Variants in ADAMTS18 observed in about 807,000 individuals in gnomAD.
The protein encoded by ADAMTS18 is ADAM metallopeptidase with thrombospondin type 1 motif 18.
Under a neutral mutation model 165.9 loss-of-function variants are expected in ADAMTS18, and 157 were observed. The ratio of observed to expected loss-of-function variants is 0.95; its 90% CI spans 0.83 to 1.08. ADAMTS18 has a LOEUF of 1.08. ADAMTS18 is among the 50% of genes least tolerant of loss of function. ADAMTS18 has a pLI of 0.00. For synonymous variants in ADAMTS18, 782 were observed against 578.2 expected (o/e 1.35, Z -5.06); for missense variants, 2,040 against 1,534.0 (o/e 1.33, Z -5.51).
intron 12 of ADAMTS18, among the ~76,000 whole-genome samples, chr16:77,326,335 T>C (rs2056095709): frequency 6.6e-6 from 1 of 152,252 alleles, no homozygotes; most frequent in African/African-American, 2.4e-5. Flanking sequence ...ATCCAATATT[T>C]ACATTCTGTT....
chr16:77,308,231 G>A (rs1335949420), intron 16 of ADAMTS18, among the ~76,000 whole-genome samples: 3 of 152,152 alleles, frequency 2.0e-5, no homozygotes, highest in Non-Finnish European at 4.4e-5. Context: ...GGAATGCTGT[G>A]AAAACACAGG....
chr16:77,418,459 G>A (rs992264278), intron 3 of ADAMTS18, among the ~76,000 whole-genome samples: 1 of 152,038 alleles, frequency 6.6e-6, no homozygotes, highest in Non-Finnish European at 1.5e-5. Context: ...GAATCTAAAG[G>A]GTAGAGAGGC....
chr16:77,390,341 G>A (rs1431402192), intron 3 of ADAMTS18, among the ~76,000 whole-genome samples: 1 of 152,110 alleles, frequency 6.6e-6, no homozygotes, highest in African/African-American at 2.4e-5. Flanking sequence ...TTTTTTGCAG[G>A]TAACTGTGTA....
rs1463759460 is a variant in ADAMTS18 at position 77,282,842 on chromosome 16, A to T, written c.*1114T>A. The stretch of plus-strand genomic sequence containing the variant: ...GGTCTTGTCATATTATGATTTATTA[A>T]TATTAACATAGCAAGAAGACAGATG... On this transcript the variant is annotated 3_prime_UTR_variant, in exon 23 of 23. Transcript: ENST00000282849. The T allele has an allele frequency of 6.6e-6, 1 of 151,670 alleles. No individual in the cohort carries two copies. The highest frequency in any genetic ancestry group is 1.5e-5 in the Non-Finnish European group (1 of 67,906). The allele number at this position is 151,670 out of a possible 1,614,324, so 9.4% of individuals were successfully genotyped here.
intron 3 of ADAMTS18, among the ~76,000 whole-genome samples, chr16:77,395,801 G>A (rs528620565): frequency 3.5e-4 from 53 of 152,092 alleles, no homozygotes; most frequent in African/African-American, 1.1e-3. Context: ...TAAGACCCTC[G>A]AGAAATTTGA....
chr16:77,364,421 A>G (rs1176832779), intron 4 of ADAMTS18, 40 bp from the exon 5 acceptor site: 2 of 1,599,928 alleles, frequency 1.3e-6, no homozygotes, highest in Non-Finnish European at 1.7e-6. Context: ...GATATTAGAG[A>G]ATATCTGGAT....
intron 18 of ADAMTS18, among the ~76,000 whole-genome samples, chr16:77,296,896 T>C (rs1446663587): frequency 6.6e-6 from 1 of 152,264 alleles, no homozygotes; most frequent in Non-Finnish European, 1.5e-5. Context: ...AATTTATTCC[T>C]GGCTATCAAG....
At chr16:77,298,045 CT>C (rs1203767964) in intron 17 of ADAMTS18, among the ~76,000 whole-genome samples, 1 of 150,800 alleles carries the variant, frequency 6.6e-6, no homozygotes, top group African/African-American at 2.4e-5. Context: ...CTGCCTCAGC[CT>C]CCCAGATACC....
At chr16:77,378,516 A>G (rs911330699) in intron 3 of ADAMTS18, among the ~76,000 whole-genome samples, 4 of 152,126 alleles carry the variant, frequency 2.6e-5, no homozygotes, top group Non-Finnish European at 5.9e-5. Flanking sequence ...GGAGTTTAAG[A>G]CTAGCCTGGC....
intron 3 of ADAMTS18, among the ~76,000 whole-genome samples, chr16:77,429,255 A>T (rs1392449193): frequency 6.6e-6 from 1 of 152,242 alleles, no homozygotes; most frequent in Non-Finnish European, 1.5e-5. Flanking sequence ...CTATGCAACC[A>T]TAAAAATAAA....
intron 3 of ADAMTS18, among the ~76,000 whole-genome samples, chr16:77,385,533 T>C (rs2057094643): frequency 6.6e-6 from 1 of 152,170 alleles, no homozygotes; most frequent in African/African-American, 2.4e-5. Context: ...GACACGTGTT[T>C]TTACTTGTTT....
At chr16:77,352,104 C>T (rs1004350278) in intron 10 of ADAMTS18, among the ~76,000 whole-genome samples, 3 of 151,852 alleles carry the variant, frequency 2.0e-5, no homozygotes, top group Non-Finnish European at 4.4e-5. Context: ...GAAGGATACA[C>T]CAAAAAAATG....
intron 2 of ADAMTS18, 167 bp from the exon 3 acceptor site, chr16:77,431,778 G>A: frequency 4.0e-6 from 3 of 742,934 alleles, no homozygotes; most frequent in Admixed American, 4.3e-5. Flanking sequence ...CAGAAGACCT[G>A]TCTCTACAAC....
intron 3 of ADAMTS18, among the ~76,000 whole-genome samples, chr16:77,416,038 G>A (rs966023166): frequency 2.6e-5 from 4 of 152,060 alleles, no homozygotes; most frequent in African/African-American, 7.2e-5. Flanking sequence ...TATGCTAGGC[G>A]ATAAACAAGT....
chr16:77,434,079 A>G (rs898286978), intron 2 of ADAMTS18, among the ~76,000 whole-genome samples: 4 of 152,216 alleles, frequency 2.6e-5, no homozygotes, highest in African/African-American at 9.6e-5. Context: ...AACAAGAGTT[A>G]GGAGAGGGAG....
chr16:77,413,784 A>C (rs1317011647), intron 3 of ADAMTS18, among the ~76,000 whole-genome samples: 3 of 149,152 alleles, frequency 2.0e-5, no homozygotes, highest in Non-Finnish European at 4.5e-5. Flanking sequence ...TAAGGCTGAC[A>C]CTTAATAAAG....
rs573551238 is a variant in ADAMTS18, at chr16:77,429,590, T to TA, written c.495+1704dup. Among the ~76,000 whole-genome samples, 112 of 151,396 alleles carry TA rather than the reference T, an allele frequency of 7.4e-4. 1 individual carries two copies. Among genetic ancestry groups the TA allele is most frequent in the Admixed American group, 3.2e-3 (49 of 15,210 alleles). On this transcript the variant is annotated intron_variant, in intron 3 of 22. Coordinates refer to ENST00000282849, the MANE Select transcript of ADAMTS18 (RefSeq NM_199355.4). Reference sequence around the variant, plus strand: ...CTTGTACCCCTGAACCTAAAAGTTTTAAAAAAAAATGGATAAAAACATCAT... The same window carrying TA: ...CTTGTACCCCTGAACCTAAAAGTTTTAAAAAAAAAATGGATAAAAACATCAT...
At chr16:77,306,255 T>A (rs2055679605) in intron 16 of ADAMTS18, among the ~76,000 whole-genome samples, 1 of 152,150 alleles carries the variant, frequency 6.6e-6, no homozygotes, top group African/African-American at 2.4e-5. Flanking sequence ...TGTCTACCTT[T>A]AACACACAAA....
At chr16:77,382,784 T>G (rs375701626) in intron 3 of ADAMTS18, among the ~76,000 whole-genome samples, 10 of 152,304 alleles carry the variant, frequency 6.6e-5, no homozygotes, top group African/African-American at 2.4e-4. Flanking sequence ...AAACCAGACT[T>G]TCCATGAAGT....
Sources: gnomAD v4.1 joint callset for allele counts (sites outside exome capture counted in the v4.1 genomes callset) on GRCh38, gnomAD v4.1.1 for gene constraint, MANE v1.5 for transcripts, NCBI Gene and HGNC (gene_info 2026-07-23, HGNC 2026-07-21) for gene names.